Variants in DCP2 observed in about 807,000 individuals in gnomAD.
DCP2 encodes decapping mRNA 2.
Under a neutral mutation model 56.1 loss-of-function variants are expected in DCP2, and 30 were observed. The observed-to-expected ratio is 0.53, with a 90% CI of 0.40 to 0.73. The LOEUF (loss-of-function observed/expected upper bound fraction) is 0.73, where lower values mean the gene tolerates loss of function less well. Ranked by LOEUF, DCP2 falls within the 30% of genes least tolerant of loss-of-function variation. DCP2 has a pLI of 0.00. For synonymous variants in DCP2, 197 were observed against 163.3 expected (o/e 1.21, Z -1.57); for missense variants, 533 against 502.7 (o/e 1.06, Z -0.58).
At chr5:113,007,704 G>A (rs1051111447) in intron 8 of DCP2, among the ~76,000 whole-genome samples, 1 of 152,130 alleles carries the variant, frequency 6.6e-6, no homozygotes, top group African/African-American at 2.4e-5. Context: ...GCCGAGGTGT[G>A]GAAAGATTTC....
Position 113,013,597 on chromosome 5 carries a change from G to A in DCP2, c.*113G>A, listed in dbSNP as rs13357043. ...TTTTAAAGAAATGCAGGGAGGCAATGTTTCTGAAGACATTTTCTGTTTATA... is the reference window on the plus strand; with the variant it reads ...TTTTAAAGAAATGCAGGGAGGCAATATTTCTGAAGACATTTTCTGTTTATA... On this transcript the variant is annotated 3_prime_UTR_variant, in exon 11 of 11. Coordinates refer to ENST00000389063, the MANE Select transcript of DCP2 (RefSeq NM_152624.6). 4,499 of 1,271,872 alleles carry A rather than the reference G, an allele frequency of 3.5e-3. 132 individuals are homozygous for A. The African/African-American group carries it at 0.059, about 17-fold the overall frequency. The allele number at this position is 1,271,872 out of a possible 1,614,324, so 78.8% of individuals were successfully genotyped here. A position where few individuals can be genotyped will look rare whatever the true frequency, so the allele number is the denominator to read the frequency against.
intron 8 of DCP2, 29 bp downstream of exon 8, chr5:113,004,106 A>C: frequency 1.3e-6 from 2 of 1,596,942 alleles, no homozygotes; most frequent in Non-Finnish European, 1.7e-6. Context: ...CAGTCTTTTC[A>C]GAAATTTAGA....
chr5:112,997,917 G>A (rs1352299180), intron 4 of DCP2, among the ~76,000 whole-genome samples: 1 of 151,864 alleles, frequency 6.6e-6, no homozygotes, highest in Non-Finnish European at 1.5e-5. Flanking sequence ...CTGGCCCTTT[G>A]GGTAACACTT....
chr5:112,996,591 T>A (rs1003328067), intron 4 of DCP2, among the ~76,000 whole-genome samples: 5 of 152,198 alleles, frequency 3.3e-5, no homozygotes, highest in Non-Finnish European at 7.3e-5. Flanking sequence ...ATTTGACACA[T>A]CCTCAAACAG....
chr5:113,004,338 C>T (rs1749315145), intron 8 of DCP2, among the ~76,000 whole-genome samples: 1 of 152,176 alleles, frequency 6.6e-6, no homozygotes, highest in African/African-American at 2.4e-5. Flanking sequence ...AAAAATAAGT[C>T]ATAAGGAAAA....
intron 1 of DCP2, among the ~76,000 whole-genome samples, chr5:112,977,847 TCA>T (rs1467646204): frequency 1.1e-4 from 16 of 152,346 alleles, no homozygotes; most frequent in South Asian, 4.1e-4. Flanking sequence ...ACCTTTTCGT[TCA>T]CAGTTACTGT....
At chr5:112,994,244 GC>G (rs1748744646) in intron 4 of DCP2, among the ~76,000 whole-genome samples, 1 of 141,736 alleles carries the variant, frequency 7.1e-6, no homozygotes, top group Non-Finnish European at 1.5e-5. Flanking sequence ...TGATGATAGT[GC>G]ACTGCAGCCT....
chr5:112,976,928 C>G lies in DCP2; in HGVS notation c.-6C>G. On this transcript the variant is annotated 5_prime_UTR_variant, in exon 1 of 11. Transcript: ENST00000389063. ...GGATGCACTGTTCCTGCTGTGGGTC[C>G]TCATCATGGAGACCAAACGGGTGGA... 6.2e-7 allele frequency: 1 copy of G among 1,611,926 alleles called. No homozygotes were observed. The highest frequency in any genetic ancestry group is 8.5e-7 in the Non-Finnish European group (1 of 1,178,342).
At chr5:113,011,214 C>T (rs771732919) in intron 10 of DCP2, among the ~76,000 whole-genome samples, 4 of 152,152 alleles carry the variant, frequency 2.6e-5, no homozygotes, top group Admixed American at 2.0e-4. Context: ...TGGTTCTTCC[C>T]ATACACACGT....
At chr5:112,992,408 C>T (rs564843163) in intron 3 of DCP2, among the ~76,000 whole-genome samples, 160 bp downstream of exon 3, 1 of 151,984 alleles carries the variant, frequency 6.6e-6, no homozygotes, top group Non-Finnish European at 1.5e-5. Flanking sequence ...CATGCTATGT[C>T]TGCAGATTTT....
At chr5:112,998,482 T>C (rs1748968154) in intron 4 of DCP2, among the ~76,000 whole-genome samples, 1 of 152,198 alleles carries the variant, frequency 6.6e-6, no homozygotes, top group Non-Finnish European at 1.5e-5. Flanking sequence ...CATATTAAAA[T>C]TTTTTCTGTT....
Position 112,976,958 on chromosome 5 carries a change from C to T in DCP2, c.25C>T (p.Pro9Ser), listed in dbSNP as rs142066503. The change falls in exon 1 of 11, where the codon CCC becomes TCC. Residue 9 changes from proline (P) to serine (S), a missense_variant. Physicochemically the swap from Pro to Ser is moderately conservative, Grantham distance 74. Transcript: ENST00000389063. ...CATGGAGACCAAACGGGTGGAGATT[C>T]CCGGCAGCGTCCTGGACGATCTCTG... METKRVEIPGSVLDDLCSR... is the reference protein window; with the variant it reads METKRVEISGSVLDDLCSR... The T allele has an allele frequency of 6.8e-4, 1,090 of 1,596,348 alleles. 1 individual carries two copies. The highest frequency in any genetic ancestry group is 8.9e-4 in the Non-Finnish European group (1,037 of 1,167,316).
chr5:113,020,769 A>C lies in DCP2; in HGVS notation c.*7285A>C, dbSNP rs1043702574. The C allele has an allele frequency of 2.0e-5, 3 of 152,210 alleles. No homozygotes were observed. The highest frequency in any genetic ancestry group is 7.2e-5 in the African/African-American group (3 of 41,458). The allele number at this position is 152,210 out of a possible 1,614,324, so 9.4% of individuals were successfully genotyped here. A position where few individuals can be genotyped will look rare whatever the true frequency, so the allele number is the denominator to read the frequency against. On this transcript the variant is annotated 3_prime_UTR_variant, in exon 11 of 11. Coordinates refer to ENST00000389063, the MANE Select transcript of DCP2 (RefSeq NM_152624.6). Reference sequence around the variant, plus strand: ...AAAATGAACAAAATCCTATGTCTTAACAGTTATGCTCTAACTTTTTGAAAG... The same window carrying C: ...AAAATGAACAAAATCCTATGTCTTACCAGTTATGCTCTAACTTTTTGAAAG...
At chr5:112,980,251 T>G (rs1017738048) in intron 1 of DCP2, among the ~76,000 whole-genome samples, 10 of 152,258 alleles carry the variant, frequency 6.6e-5, no homozygotes, top group African/African-American at 2.4e-4. Flanking sequence ...TAGAATTTTT[T>G]TAAAGCCCTT....
At position 113,001,627 on chromosome 5, in the gene DCP2, T is replaced by C. The variant is rs1179006042; in HGVS notation, c.759T>C (p.Phe253=). 3 of 1,614,202 alleles carry C rather than the reference T, an allele frequency of 1.9e-6. No homozygotes were observed. The South Asian group carries it at 3.3e-5, about 18-fold the overall frequency. Reference sequence around the variant, plus strand: ...ATTCCTCAGACAGTGACAATGGATTTTCCTCAACTGGTAGCACGCCGGCTA... The same window carrying C: ...ATTCCTCAGACAGTGACAATGGATTCTCCTCAACTGGTAGCACGCCGGCTA... ...FGDSSDSDNG[F]SSTGSTPAKP... is the part of the protein sequence containing the mutation. The change falls in exon 7 of 11, where the codon TTT becomes TTC. Residue 253 remains phenylalanine (F), a synonymous_variant. Coordinates refer to ENST00000389063, the MANE Select transcript of DCP2 (RefSeq NM_152624.6).
chr5:112,989,502 G>A (rs1179997130), intron 2 of DCP2, among the ~76,000 whole-genome samples: 1 of 151,974 alleles, frequency 6.6e-6, no homozygotes, highest in Non-Finnish European at 1.5e-5. Context: ...AAAATCGGAG[G>A]AAATGAAAAA....
At chr5:113,005,993 G>A (rs928626164) in intron 8 of DCP2, among the ~76,000 whole-genome samples, 9 of 151,868 alleles carry the variant, frequency 5.9e-5, no homozygotes, top group African/African-American at 2.2e-4. Flanking sequence ...AGGCATGGTG[G>A]TGCACACCTG....
At position 112,976,878 on chromosome 5, in the gene DCP2, G is replaced by A; in HGVS notation, c.-56G>A. On this transcript the variant is annotated 5_prime_UTR_variant, in exon 1 of 11. Transcript: ENST00000389063. ...CGAGCCGGAGTCCTAGTGCCGTACC[G>A]TCAGTCCCCGGCCGCGCGGAGCCGG... 2.5e-6 allele frequency: 4 copies of A among 1,586,540 alleles called. No individual in the cohort carries two copies. The South Asian group carries it at 4.4e-5, about 18-fold the overall frequency.
rs1461780018 is a variant in DCP2, at chr5:112,992,763, C to T, written c.425C>T (p.Ala142Val). 6.4e-7 allele frequency: 1 copy of T among 1,568,658 alleles called. No homozygotes were observed. Among genetic ancestry groups the T allele is most frequent in the Non-Finnish European group, 8.6e-7 (1 of 1,167,660 alleles). The change falls in exon 4 of 11, where the codon GCT (alanine) becomes GTT (valine). Residue 142 changes from alanine to valine, a missense_variant. Physicochemically the swap from Ala to Val is moderately conservative, Grantham distance 64. Coordinates refer to ENST00000389063, the MANE Select transcript of DCP2 (RefSeq NM_152624.6). ...NKEEAPHDCA[A>V]REVFEETGFD... ...GAAGAAGCTCCTCATGATTGTGCTG[C>T]TAGAGAGGTAAGTTATTCCATTTTG...
Sources: allele counts gnomAD v4.1 joint callset (sites outside exome capture counted in the v4.1 genomes callset), GRCh38; gene constraint gnomAD v4.1.1; transcripts MANE v1.5; gene names NCBI Gene and HGNC (gene_info 2026-07-23, HGNC 2026-07-21).